NFE2L2: variants seen among roughly 807,000 people sequenced by gnomAD.
NFE2L2 encodes the protein NFE2 like bZIP transcription factor 2.
A neutral mutation model predicts 49.6 loss-of-function variants in NFE2L2; 20 were observed. The observed-to-expected ratio is 0.40, with a 90% CI of 0.28 to 0.59. The LOEUF (loss-of-function observed/expected upper bound fraction) is 0.59. Among genes scored for constraint, NFE2L2 ranks in the 20% least tolerant of loss-of-function variants. The probability of loss-of-function intolerance (pLI) is 0.40; values close to 1 mark genes in which losing one functional copy is unlikely to be tolerated. For synonymous variants in NFE2L2, 244 were observed against 256.5 expected, an observed-to-expected ratio of 0.95 and a Z score of 0.47; for missense variants, 578 against 714.2, an observed-to-expected ratio of 0.81 and a Z score of 2.17.
chr2:177,237,219 G>C (rs1308141397), intron 1 of NFE2L2, among the ~76,000 whole-genome samples: 1 of 152,166 alleles, frequency 6.6e-6, no homozygotes, highest in Non-Finnish European at 1.5e-5. Flanking sequence ...GGAACCAGAG[G>C]CTGCATGGGC....
In NFE2L2 at chr2:177,264,534, G is replaced by A. The variant is rs1417123664; in HGVS notation, c.43C>T (p.Gln15Ter). Residue 15 changes from glutamine to a stop codon, truncating the protein, a stop_gained and splice_region_variant, in exon 1 of 5, where the codon CAG becomes TAG. Coordinates refer to ENST00000397062, the MANE Select transcript of NFE2L2 (RefSeq NM_006164.5). LOFTEE classifies it high-confidence loss of function. ...GGCCCAGAGGGCCGAGGCAGCACCTGCTGGGACGGGAGTCCCGGCGGCGGC... is the reference window on the plus strand; with the variant it reads ...GGCCCAGAGGGCCGAGGCAGCACCTACTGGGACGGGAGTCCCGGCGGCGGC... ...ELPPPGLPSQ[Q>*]DMDLIDILWR... 6.6e-7 allele frequency: 1 copy of A among 1,524,158 alleles called. No homozygotes were observed. The highest frequency in any genetic ancestry group is 2.1e-5 in the Admixed American group (1 of 48,490). The allele number at this position is 1,524,158 out of a possible 1,614,324, so 94.4% of individuals were successfully genotyped here. A position where few individuals can be genotyped will look rare whatever the true frequency, so the allele number is the denominator to read the frequency against.
At chr2:177,263,654 A>ACC (rs2105501273) in intron 1 of NFE2L2, 2 of 985,428 alleles carry the variant, frequency 2.0e-6, no homozygotes, top group South Asian at 9.4e-5. Context: ...GGTGAGCGCC[A>ACC]CCAGGGGGCA....
rs879519667 is a variant in NFE2L2 at position 177,234,148 on chromosome 2, CCTTTT to C, written c.164_168del (p.Glu55GlyfsTer22). 2 of 1,614,130 alleles carry C rather than the reference CCTTTT, an allele frequency of 1.2e-6. No homozygotes were observed. Among genetic ancestry groups the C allele is most frequent in the Admixed American group, 1.7e-5 (1 of 60,012 alleles). On this transcript the variant is annotated frameshift_variant, in exon 2 of 5. Coordinates refer to ENST00000397062, the MANE Select transcript of NFE2L2 (RefSeq NM_006164.5). LOFTEE classifies it high-confidence loss of function. ...TCCTTTTGGAGTTGTTCTTGTCTTT[CCTTTT>C]CAAGTTTTTTCTGTTTTTCCAGCTC...
chr2:177,246,526 T>C (rs1270440340), intron 1 of NFE2L2, among the ~76,000 whole-genome samples: 1 of 152,100 alleles, frequency 6.6e-6, no homozygotes, highest in Non-Finnish European at 1.5e-5. Flanking sequence ...ATAAGCATAG[T>C]ATCCCACACT....
intron 1 of NFE2L2, among the ~76,000 whole-genome samples, chr2:177,240,408 C>T (rs1689901787): frequency 6.6e-6 from 1 of 152,184 alleles, no homozygotes; most frequent in African/African-American, 2.4e-5. Flanking sequence ...GCCATGCGAG[C>T]ACTGGCCAGG....
At chr2:177,250,503 T>G (rs1439491911) in intron 1 of NFE2L2, among the ~76,000 whole-genome samples, 1 of 152,210 alleles carries the variant, frequency 6.6e-6, no homozygotes, top group Non-Finnish European at 1.5e-5. Flanking sequence ...ATCTTGTACT[T>G]TCTATGTGCT....
intron 1 of NFE2L2, among the ~76,000 whole-genome samples, chr2:177,253,314 C>T (rs1690406330): frequency 6.6e-6 from 1 of 152,182 alleles, no homozygotes; most frequent in Non-Finnish European, 1.5e-5. Flanking sequence ...AGTTAATGGA[C>T]TCACCCTCAA....
intron 1 of NFE2L2, among the ~76,000 whole-genome samples, chr2:177,235,299 T>G (rs1689708107): frequency 6.6e-6 from 1 of 151,328 alleles, no homozygotes; most frequent in African/African-American, 2.4e-5. Context: ...ACAACTGGTG[T>G]GGTGGCGCAC....
chr2:177,250,766 G>A (rs1558988791), intron 1 of NFE2L2, among the ~76,000 whole-genome samples: 1 of 152,234 alleles, frequency 6.6e-6, no homozygotes, highest in Non-Finnish European at 1.5e-5. Flanking sequence ...GATGTGCTTA[G>A]GAAGCCAGGG....
chr2:177,235,304 G>T (rs995330255), intron 1 of NFE2L2, among the ~76,000 whole-genome samples: 7 of 151,722 alleles, frequency 4.6e-5, no homozygotes, highest in African/African-American at 1.5e-4. Flanking sequence ...TGGTGTGGTG[G>T]CGCACACCTG....
intron 1 of NFE2L2, 113 bp from the exon 2 acceptor site, chr2:177,234,384 A>G (rs1285798492): frequency 2.5e-6 from 3 of 1,190,630 alleles, no homozygotes; most frequent in Non-Finnish European, 2.3e-6. Flanking sequence ...GGGAGATTAC[A>G]AATACAATCT....
At chr2:177,233,091 GTTTCCTTGACAAGAGTA>G in intron 3 of NFE2L2, 142 bp downstream of exon 3, 2 of 632,940 alleles carry the variant, frequency 3.2e-6, no homozygotes. Context: ...ATAGGCTAAG[GTTTCCTTGACAAGAGTA>G]TTTCCTTGGT....
At chr2:177,245,734 C>T (rs1037099355) in intron 1 of NFE2L2, among the ~76,000 whole-genome samples, 34 of 152,070 alleles carry the variant, frequency 2.2e-4, no homozygotes, top group African/African-American at 8.0e-4. Context: ...CTCAGCCTCC[C>T]GAGTAGTTGG....
At chr2:177,236,863 T>A (rs1473498662) in intron 1 of NFE2L2, among the ~76,000 whole-genome samples, 1 of 152,156 alleles carries the variant, frequency 6.6e-6, no homozygotes, top group Non-Finnish European at 1.5e-5. Flanking sequence ...CTTTTGAAAT[T>A]TTATTATTTA....
chr2:177,230,370 C>T lies in NFE2L2; in HGVS notation c.*415G>A, dbSNP rs893352426. The stretch of plus-strand genomic sequence containing the variant: ...TTAAAATTTTTTTTTTTTGCCAGAG[C>T]TAAACAATTTAATATAAAAAATGCC... On this transcript the variant is annotated 3_prime_UTR_variant, in exon 5 of 5. Transcript: ENST00000397062. The T allele has an allele frequency of 4.3e-6, 1 of 230,864 alleles. No homozygotes were observed. Among genetic ancestry groups the T allele is most frequent in the African/African-American group, 2.2e-5 (1 of 44,926 alleles). The allele number at this position is 230,864 out of a possible 1,614,324, so 14.3% of individuals were successfully genotyped here.
rs764057713 is a variant in NFE2L2 at position 177,231,293 on chromosome 2, C to T, written c.1310G>A (p.Arg437Gln). 10 of 1,614,082 alleles carry T rather than the reference C, an allele frequency of 6.2e-6. No homozygotes were observed. The highest frequency in any genetic ancestry group is 1.6e-4 in the Middle Eastern group (1 of 6,084). Residue 437 changes from arginine (R) to glutamine (Q), a missense_variant, in exon 5 of 5, where the codon CGG (arginine) becomes CAG (glutamine). Arg to Gln is a conservative substitution (Grantham distance 43). Transcript: ENST00000397062. ...EKELPVSPGH[R>Q]KTPFTKDKHS... ...TTTGTCTTTTGTGAATGGGGTTTTC[C>T]GATGACCAGGACTTACAGGCAATTC...
chr2:177,262,417 T>C (rs1258530777), intron 1 of NFE2L2, among the ~76,000 whole-genome samples: 1 of 152,220 alleles, frequency 6.6e-6, no homozygotes, highest in East Asian at 1.9e-4. Flanking sequence ...ACACATCCTC[T>C]GCACAGAAGG....
At chr2:177,243,043 C>G (rs563804844) in intron 1 of NFE2L2, among the ~76,000 whole-genome samples, 2 of 152,098 alleles carry the variant, frequency 1.3e-5, no homozygotes, top group South Asian at 2.1e-4. Context: ...TTTTTCTAAT[C>G]TCTTCCCCAT....
At chr2:177,262,917 G>A (rs976576306) in intron 1 of NFE2L2, among the ~76,000 whole-genome samples, 5 of 152,134 alleles carry the variant, frequency 3.3e-5, no homozygotes, top group African/African-American at 9.7e-5. Context: ...CAATCCCAAT[G>A]AAGACTGGGG....
Sources: allele counts gnomAD v4.1 joint callset (sites outside exome capture counted in the v4.1 genomes callset), GRCh38; gene constraint gnomAD v4.1.1; transcripts MANE v1.5; gene names NCBI Gene and HGNC (gene_info 2026-07-23, HGNC 2026-07-21).